INTS2: variants seen among roughly 807,000 people sequenced by gnomAD.
INTS2 encodes KIAA1287.
In INTS2, 57 loss-of-function variants were observed where a neutral mutation model predicts 139.6. The ratio of observed to expected loss-of-function variants is 0.41; its 90% CI spans 0.33 to 0.51. The LOEUF (loss-of-function observed/expected upper bound fraction) is 0.51, where lower values mean the gene tolerates loss of function less well. Ranked by LOEUF, INTS2 falls within the 20% of genes least tolerant of loss-of-function variation. The pLI is 0.28. For synonymous variants in INTS2, 473 were observed against 493.4 expected, an observed-to-expected ratio of 0.96 and a Z score of 0.55; for missense variants, 1,196 against 1,436.7, an observed-to-expected ratio of 0.83 and a Z score of 2.71.
At position 61,875,785 on chromosome 17, in the gene INTS2, T is replaced by A. The variant is rs757277012; in HGVS notation, c.2457-747A>T. 6.6e-6 allele frequency among the ~76,000 whole-genome samples: 1 copy of A among 152,158 alleles called. No homozygotes were observed. Among genetic ancestry groups the A allele is most frequent in the Non-Finnish European group, 1.5e-5 (1 of 68,026 alleles). ...AGGAGAAAAAAAATTTTCGAACTAT[T>A]AATATCCTAAAAGAATAAAGTATTT... is the stretch of plus-strand genomic sequence containing the variant. On this transcript the variant is annotated intron_variant, in intron 18 of 24. Transcript: ENST00000251334. This position sits in a 1 kb window ranked among gnomAD's most constrained non-coding sequence, Gnocchi z 4.6.
chr17:61,889,476 T>C (rs2079268067), intron 15 of INTS2, among the ~76,000 whole-genome samples: 1 of 152,186 alleles, frequency 6.6e-6, no homozygotes, highest in Non-Finnish European at 1.5e-5. Context: ...AGAAAAAAAT[T>C]CAGTTACAGC....
chr17:61,880,074 C>A (rs1269810384), intron 17 of INTS2, among the ~76,000 whole-genome samples: 1 of 152,050 alleles, frequency 6.6e-6, no homozygotes, highest in East Asian at 1.9e-4. Context: ...CATGGAGTCT[C>A]GCTTTGTCAC....
intron 9 of INTS2, among the ~76,000 whole-genome samples, chr17:61,898,907 C>T (rs1338761520): frequency 1.3e-5 from 2 of 152,228 alleles, no homozygotes; most frequent in South Asian, 2.1e-4. Flanking sequence ...AGCCACCACA[C>T]CCGGTCTAAA....
At chr17:61,922,945 C>A (rs1017919003) in intron 3 of INTS2, among the ~76,000 whole-genome samples, 2 of 150,012 alleles carry the variant, frequency 1.3e-5, no homozygotes, top group African/African-American at 4.9e-5. Context: ...GGCATGGTGG[C>A]GGGTGCCTGT....
At chr17:61,926,729 A>C in intron 1 of INTS2, 67 bp from the exon 2 acceptor site, 1 of 1,265,502 alleles carries the variant, frequency 7.9e-7, no homozygotes, top group South Asian at 1.3e-5. Flanking sequence ...CAACTTTCTA[A>C]AAACCCTGAA....
Position 61,868,333 on chromosome 17 carries a change from G to A in INTS2, c.3245-324C>T, listed in dbSNP as rs1195779102. Among the ~76,000 whole-genome samples the A allele has an allele frequency of 2.0e-5, 3 of 151,292 alleles. No individual in the cohort carries two copies. The highest frequency in any genetic ancestry group is 4.4e-5 in the Non-Finnish European group (3 of 67,970). On this transcript the variant is annotated intron_variant, in intron 23 of 24. Transcript: ENST00000251334. This position sits in a 1 kb window ranked among gnomAD's most constrained non-coding sequence, Gnocchi z 4.7. ...AAAGGTTAGAGAGGTTAAGAAACTT[G>A]TTAAAGATCACAAGCCAGTTAGTGG...
At position 61,869,782 on chromosome 17, in the gene INTS2, T is replaced by C. The variant is rs2079074229; in HGVS notation, c.2985A>G (p.Gln995=). ...CAATGTTGGGATCTGCAATGTACAT[T>C]TGGTGCAAGAGACAACAGATAAGGC... ...VQCLICCLLH[Q]MYIADPNIAK... is the part of the protein sequence containing the mutation. The change falls in exon 21 of 25, where the codon CAA becomes CAG. Residue 995 remains glutamine, a synonymous_variant. Coordinates refer to ENST00000251334, the MANE Select transcript of INTS2 (RefSeq NM_001351695.2). The surrounding 1 kb of genome is among the most constrained non-coding windows in gnomAD (Gnocchi z 5.4). The C allele has an allele frequency of 1.2e-6, 2 of 1,613,724 alleles. No homozygotes were observed. The highest frequency in any genetic ancestry group is 2.7e-5 in the African/African-American group (2 of 74,922).
intron 8 of INTS2, among the ~76,000 whole-genome samples, chr17:61,905,509 T>C (rs1206089888): frequency 6.6e-6 from 1 of 152,082 alleles, no homozygotes; most frequent in Admixed American, 6.5e-5. Context: ...GTATTTTTAG[T>C]AGAGAGAGGG....
chr17:61,867,500 T>C lies in INTS2; in HGVS notation c.*57A>G, dbSNP rs2079054744. 5 of 1,056,438 alleles carry C rather than the reference T, an allele frequency of 4.7e-6. No individual in the cohort carries two copies. The Admixed American group carries it at 9.0e-5, about 19-fold the overall frequency. The allele number at this position is 1,056,438 out of a possible 1,614,324, so 65.4% of individuals were successfully genotyped here. Reference sequence around the variant, plus strand: ...ATTCAGTTTAGAGTTGTTACTAATATGCAGATTCATGTTGGGTATATGCAG... The same window carrying C: ...ATTCAGTTTAGAGTTGTTACTAATACGCAGATTCATGTTGGGTATATGCAG... On this transcript the variant is annotated 3_prime_UTR_variant, in exon 25 of 25. Coordinates refer to ENST00000251334, the MANE Select transcript of INTS2 (RefSeq NM_001351695.2). This position sits in a 1 kb window ranked among gnomAD's most constrained non-coding sequence, Gnocchi z 5.6.
Position 61,889,797 on chromosome 17 carries a change from G to C in INTS2, c.1973C>G (p.Thr658Arg), listed in dbSNP as rs768514053. The change falls in exon 15 of 25, where the codon ACG becomes AGG. Residue 658 changes from threonine (T) to arginine (R), a missense_variant. Physicochemically the swap from Thr to Arg is moderately conservative, Grantham distance 71. Transcript: ENST00000251334. ...LSYEEALLAN[T>R]KTLAAMQRKP... ...TACGTACAACTTACCTAAAGTCTTC[G>C]TGTTTGCTAGAAGAGCCTCTTCATA... 1.3e-6 allele frequency: 2 copies of C among 1,571,000 alleles called. No individual in the cohort carries two copies. The highest frequency in any genetic ancestry group is 1.7e-4 in the Middle Eastern group (1 of 6,004).
Position 61,869,767 on chromosome 17 carries a change from A to T in INTS2, c.3000T>A (p.Asp1000Glu), listed in dbSNP as rs374944149. ...AGTGAACAAGCTTAGCAATGTTGGG[A>T]TCTGCAATGTACATTTGGTGCAAGA... ...CCLLHQMYIA[D>E]PNIAKLVHFQ... The change falls in exon 21 of 25, where the codon GAT becomes GAA. Residue 1000 changes from aspartate (D) to glutamate (E), a missense_variant. By Grantham distance (45) the Asp-to-Glu change is conservative (BLOSUM62 2). Around this residue, in one of 3 missense-constraint regions of INTS2, gnomAD observed 1,129 missense variants for 1,341.9 expected, o/e 0.84. Transcript: ENST00000251334. This position sits in a 1 kb window ranked among gnomAD's most constrained non-coding sequence, Gnocchi z 5.4. The T allele has an allele frequency of 8.7e-6, 14 of 1,613,872 alleles. No homozygotes were observed. Among genetic ancestry groups the T allele is most frequent in the Non-Finnish European group, 1.1e-5 (13 of 1,179,780 alleles).
chr17:61,907,265 T>C, intron 8 of INTS2, 143 bp downstream of exon 8: 2 of 646,070 alleles, frequency 3.1e-6, no homozygotes, highest in Non-Finnish European at 5.4e-6. Flanking sequence ...CCTTAGGATT[T>C]CATTCTTCTT....
rs2079503070 is a variant in INTS2 at position 61,909,700 on chromosome 17, C to A, written c.954+1820G>T. On this transcript the variant is annotated intron_variant, in intron 7 of 24. Coordinates refer to ENST00000251334, the MANE Select transcript of INTS2 (RefSeq NM_001351695.2). This position sits in a 1 kb window ranked among gnomAD's most constrained non-coding sequence, Gnocchi z 4.9. ...TGCGTTATTTCACTTAATATAATGGCCTCCAGTTCCATCCATGTTACTGTC... is the reference window on the plus strand; with the variant it reads ...TGCGTTATTTCACTTAATATAATGGACTCCAGTTCCATCCATGTTACTGTC... Among the ~76,000 whole-genome samples the A allele has an allele frequency of 6.6e-6, 1 of 152,042 alleles. No homozygotes were observed. Among genetic ancestry groups the A allele is most frequent in the Admixed American group, 6.6e-5 (1 of 15,238 alleles).
Position 61,880,781 on chromosome 17 carries a change from GA to G in INTS2, c.2254+225del, listed in dbSNP as rs560191039. ...AAAAGGAAAGGAAAGGGAAAAGGGGGAAAGGGGGAAAGGAGTAAAAGGGGAA... is the reference window on the plus strand; with the variant it reads ...AAAAGGAAAGGAAAGGGAAAAGGGGGAAGGGGGAAAGGAGTAAAAGGGGAA... On this transcript the variant is annotated intron_variant, in intron 17 of 24. Coordinates refer to ENST00000251334, the MANE Select transcript of INTS2 (RefSeq NM_001351695.2). Among the ~76,000 whole-genome samples the G allele has an allele frequency of 1.7e-3, 228 of 133,338 alleles. 3 individuals are homozygous for G. The highest frequency in any genetic ancestry group is 7.8e-3 in the Middle Eastern group (2 of 256). The allele number at this position is 133,338 out of a possible 152,430, so 87.5% of individuals were successfully genotyped here.
At chr17:61,924,005 A>G (rs1039042182) in intron 3 of INTS2, among the ~76,000 whole-genome samples, 2 of 152,222 alleles carry the variant, frequency 1.3e-5, no homozygotes, top group African/African-American at 4.8e-5. Context: ...TTAAATTCAG[A>G]GTTTCAATTA....
intron 3 of INTS2, among the ~76,000 whole-genome samples, chr17:61,922,586 T>C (rs1231081103): frequency 7.7e-5 from 10 of 129,894 alleles, no homozygotes; most frequent in East Asian, 5.0e-4. Context: ...AAACAAAGAA[T>C]TAAAGTTTAG....
In INTS2 at chr17:61,870,036, A is replaced by G; in HGVS notation, c.2779-48T>C. 1.3e-6 allele frequency: 2 copies of G among 1,516,634 alleles called. No homozygotes were observed. Among genetic ancestry groups the G allele is most frequent in the African/African-American group, 2.8e-5 (2 of 71,958 alleles). The allele number at this position is 1,516,634 out of a possible 1,614,324, so 93.9% of individuals were successfully genotyped here. A position where few individuals can be genotyped will look rare whatever the true frequency, so the allele number is the denominator to read the frequency against. On this transcript the variant is annotated intron_variant, in intron 20 of 24. Coordinates refer to ENST00000251334, the MANE Select transcript of INTS2 (RefSeq NM_001351695.2). The surrounding 1 kb of genome is among the most constrained non-coding windows in gnomAD (Gnocchi z 4.4). The stretch of plus-strand genomic sequence containing the variant: ...AAAAGTAAGAAGTTTCTAAGAAGTT[A>G]AAAAACAAATCAGATTTTATTTTCA...
rs548651741 is a variant in INTS2, at chr17:61,925,470, G to A, written c.294-371C>T. 1.8e-4 allele frequency among the ~76,000 whole-genome samples: 27 copies of A among 152,026 alleles called. No homozygotes were observed. The South Asian group carries it at 3.9e-3, about 22-fold the overall frequency. ...CGCGTGCCTGTAGTCCCATCTACTC[G>A]GGAGACTGAGGCAGAAGAATCACTT... is the stretch of plus-strand genomic sequence containing the variant. On this transcript the variant is annotated intron_variant, in intron 2 of 24. Coordinates refer to ENST00000251334, the MANE Select transcript of INTS2 (RefSeq NM_001351695.2).
At chr17:61,889,744 A>G in intron 15 of INTS2, 42 bp downstream of exon 15, 1 of 970,792 alleles carries the variant, frequency 1.0e-6, no homozygotes. Context: ...CAAGCTAATA[A>G]AATAAACTAC....
Sources: allele counts gnomAD v4.1 joint callset (sites outside exome capture counted in the v4.1 genomes callset), GRCh38; gene constraint gnomAD v4.1.1; regional missense constraint gnomAD v4.1.1; non-coding constraint Gnocchi (gnomAD v3.1); transcripts MANE v1.5; gene names NCBI Gene and HGNC (gene_info 2026-07-23, HGNC 2026-07-21).